The following AP4E1 variants were observed in gnomAD, a reference collection of about 807,000 sequenced individuals.
The protein encoded by AP4E1 is adaptor related protein complex 4 subunit epsilon 1.
AP4E1 carries 56 observed loss-of-function variants against 128.2 expected under a neutral mutation model. The observed-to-expected ratio is 0.44, with a 90% CI of 0.35 to 0.55. AP4E1 has a LOEUF of 0.55. Among genes scored for constraint, AP4E1 ranks in the 20% least tolerant of loss-of-function variants. The pLI is 0.00. For synonymous variants in AP4E1, 484 were observed against 473.1 expected (o/e 1.02, Z -0.30); for missense variants, 1,324 against 1,307.7 (o/e 1.01, Z -0.19).
intron 15 of AP4E1, among the ~76,000 whole-genome samples, chr15:50,972,261 G>C (rs184453385): frequency 3.3e-5 from 5 of 152,060 alleles, no homozygotes; most frequent in Non-Finnish European, 7.4e-5. Context: ...ATCCAGGCTG[G>C]AGTGCGGTGG....
intron 14 of AP4E1, among the ~76,000 whole-genome samples, chr15:50,967,469 T>C (rs767822792): frequency 2.0e-5 from 3 of 152,180 alleles, no homozygotes; most frequent in Non-Finnish European, 4.4e-5. Flanking sequence ...CTCTAAAAGC[T>C]GAAAGAAACA....
chr15:50,996,081 C>G (rs1297553317), intron 17 of AP4E1, among the ~76,000 whole-genome samples: 1 of 147,416 alleles, frequency 6.8e-6, no homozygotes, highest in Non-Finnish European at 1.5e-5. Context: ...CTCTGCCTCC[C>G]AAGTTCAAGC....
At chr15:50,941,116 T>C (rs554397388) in intron 8 of AP4E1, among the ~76,000 whole-genome samples, 2 of 152,266 alleles carry the variant, frequency 1.3e-5, no homozygotes, top group Admixed American at 1.3e-4. Flanking sequence ...GGCAGGATGT[T>C]TTTTTCCATC....
intron 15 of AP4E1, among the ~76,000 whole-genome samples, chr15:50,979,687 G>A (rs2064612189): frequency 6.6e-6 from 1 of 152,038 alleles, no homozygotes; most frequent in Non-Finnish European, 1.5e-5. Flanking sequence ...ACCATGTCTG[G>A]CTAATTTTTG....
chr15:50,933,577 T>G (rs558958903), intron 7 of AP4E1, among the ~76,000 whole-genome samples: 113 of 152,204 alleles, frequency 7.4e-4, no homozygotes, highest in African/African-American at 2.6e-3. Context: ...CCAATTTTTT[T>G]TGGGGGGCAG....
intron 17 of AP4E1, among the ~76,000 whole-genome samples, chr15:50,994,599 G>A (rs546178467): frequency 3.9e-5 from 6 of 152,178 alleles, no homozygotes; most frequent in Middle Eastern, 3.4e-3. Context: ...AATATTTTCC[G>A]AGTTGACATT....
chr15:50,933,126 G>C (rs1368310115), intron 7 of AP4E1, among the ~76,000 whole-genome samples: 1 of 152,096 alleles, frequency 6.6e-6, no homozygotes, highest in Non-Finnish European at 1.5e-5. Flanking sequence ...ATACAAAGAT[G>C]AGTAAGCTAG....
chr15:50,956,070 A>G (rs1487765759), intron 13 of AP4E1, among the ~76,000 whole-genome samples: 1 of 152,180 alleles, frequency 6.6e-6, no homozygotes, highest in East Asian at 1.9e-4. Flanking sequence ...GGTAAATGAG[A>G]CAACAGATAA....
At chr15:50,995,159 G>A (rs1235889183) in intron 17 of AP4E1, among the ~76,000 whole-genome samples, 1 of 152,142 alleles carries the variant, frequency 6.6e-6, no homozygotes, top group Non-Finnish European at 1.5e-5. Context: ...GGGACTAACT[G>A]AATGTGCTCC....
intron 15 of AP4E1, among the ~76,000 whole-genome samples, chr15:50,977,766 G>A (rs1490695219): frequency 7.4e-6 from 1 of 134,876 alleles, no homozygotes; most frequent in Non-Finnish European, 1.5e-5. Context: ...GGAGTGCAGT[G>A]TTGCAATCTT....
chr15:50,968,149 A>C, intron 14 of AP4E1, 114 bp from the exon 15 acceptor site: 1 of 764,246 alleles, frequency 1.3e-6, no homozygotes, highest in East Asian at 2.8e-5. Context: ...TGAAGTTTTC[A>C]TTTCTCATTT....
chr15:50,926,576 T>G (rs1230215917), intron 5 of AP4E1, among the ~76,000 whole-genome samples: 1 of 152,108 alleles, frequency 6.6e-6, no homozygotes, highest in Non-Finnish European at 1.5e-5. Flanking sequence ...GTTCTGAGAT[T>G]GCAAAATGTT....
intron 17 of AP4E1, among the ~76,000 whole-genome samples, chr15:50,996,093 A>G (rs965749730): frequency 2.0e-5 from 3 of 148,190 alleles, no homozygotes; most frequent in African/African-American, 5.0e-5. Flanking sequence ...AGTTCAAGCA[A>G]TTCTCCTGCC....
chr15:50,989,757 C>A (rs2064778936), intron 16 of AP4E1, among the ~76,000 whole-genome samples: 1 of 152,024 alleles, frequency 6.6e-6, no homozygotes, highest in African/African-American at 2.4e-5. Flanking sequence ...TGTGACAGGG[C>A]CTTGTAAATG....
intron 15 of AP4E1, among the ~76,000 whole-genome samples, chr15:50,974,548 T>C (rs1358592476): frequency 2.6e-5 from 4 of 152,206 alleles, no homozygotes; most frequent in African/African-American, 4.8e-5. Context: ...ATTATAGGCA[T>C]GAGCCACTGT....
intron 13 of AP4E1, among the ~76,000 whole-genome samples, chr15:50,951,066 A>G: frequency 6.6e-6 from 1 of 152,158 alleles, no homozygotes; most frequent in East Asian, 1.9e-4. Flanking sequence ...CTGCATAACA[A>G]TGTTACCACA....
At chr15:50,972,635 T>G (rs2064496393) in intron 15 of AP4E1, among the ~76,000 whole-genome samples, 2 of 152,098 alleles carry the variant, frequency 1.3e-5, no homozygotes, top group South Asian at 2.1e-4. Flanking sequence ...TGTTTTCAAG[T>G]TTTGGATATG....
chr15:50,989,421 T>C (rs1595576608), intron 16 of AP4E1, among the ~76,000 whole-genome samples: 1 of 152,262 alleles, frequency 6.6e-6, no homozygotes, highest in African/African-American at 2.4e-5. Context: ...AAGATACTAA[T>C]AATAGATCAT....
At chr15:50,924,417 T>C (rs2063744892) in intron 4 of AP4E1, among the ~76,000 whole-genome samples, 2 of 152,138 alleles carry the variant, frequency 1.3e-5, no homozygotes, top group Non-Finnish European at 2.9e-5. Flanking sequence ...AAGAATAGAA[T>C]ATAATCAAGT....
Sources: gnomAD v4.1 joint callset for allele counts (sites outside exome capture counted in the v4.1 genomes callset) on GRCh38, gnomAD v4.1.1 for gene constraint, MANE v1.5 for transcripts, NCBI Gene and HGNC (gene_info 2026-07-23, HGNC 2026-07-21) for gene names.